Variants in ZEB2 observed in about 807,000 individuals in gnomAD.
ZEB2 encodes the protein zinc finger E-box binding homeobox 2.
A neutral mutation model predicts 99.9 loss-of-function variants in ZEB2; 6 were observed. The observed-to-expected ratio is 0.06, with a 90% CI of 0.03 to 0.12. ZEB2 has a LOEUF of 0.12. ZEB2 is among the 10% of genes least tolerant of loss of function. The pLI, the probability that ZEB2 is intolerant of heterozygous loss-of-function variation, is 1.00. For missense variants in ZEB2, 969 were observed against 1,502.8 expected, an observed-to-expected ratio of 0.64 and a Z score of 5.87; for synonymous variants, 517 against 542.5, an observed-to-expected ratio of 0.95 and a Z score of 0.65.
intron 4 of ZEB2, among the ~76,000 whole-genome samples, chr2:144,417,212 C>A (rs1703552148): frequency 6.6e-6 from 1 of 152,046 alleles, no homozygotes; most frequent in African/African-American, 2.4e-5. Context: ...TGTAAATTTT[C>A]TCTTCTTGTC....
At chr2:144,403,649 A>G (rs1327386310) in intron 6 of ZEB2, among the ~76,000 whole-genome samples, 2 of 152,232 alleles carry the variant, frequency 1.3e-5, no homozygotes, top group African/African-American at 4.8e-5. Flanking sequence ...TTTGTGGAAC[A>G]TAAAAATGAA....
At chr2:144,438,710 T>C (rs974440579) in intron 2 of ZEB2, among the ~76,000 whole-genome samples, 2 of 152,156 alleles carry the variant, frequency 1.3e-5, no homozygotes, top group African/African-American at 4.8e-5. Context: ...ATCTAATACC[T>C]GAGAAAGGCA....
At chr2:144,427,739 G>C (rs1297427096) in intron 3 of ZEB2, 1 of 151,998 alleles carries the variant, frequency 6.6e-6, no homozygotes, top group African/African-American at 2.4e-5. Flanking sequence ...GGTAATAGCC[G>C]GGTAAGTTTC....
intron 3 of ZEB2, 167 bp from the exon 4 acceptor site, chr2:144,425,034 T>C: frequency 1.5e-6 from 1 of 670,236 alleles, no homozygotes; most frequent in Non-Finnish European, 2.6e-6. Context: ...AATCCAATAG[T>C]GCTAGCTGCA....
At chr2:144,471,181 C>G (rs559491259) in intron 2 of ZEB2, among the ~76,000 whole-genome samples, 1 of 152,042 alleles carries the variant, frequency 6.6e-6, no homozygotes, top group Non-Finnish European at 1.5e-5. Flanking sequence ...GAATATTTAG[C>G]GACAGGACAT....
Position 144,389,909 on chromosome 2 carries a change from G to A in ZEB2, c.3187C>T (p.Arg1063Cys), listed in dbSNP as rs1301244969. Residue 1063 changes from arginine (R) to cysteine (C), a missense_variant, in exon 10 of 10, where the codon CGC becomes TGC. Physicochemically the swap from Arg to Cys is radical, Grantham distance 180. Transcript: ENST00000627532. This position sits in a 1 kb window ranked among gnomAD's most constrained non-coding sequence, Gnocchi z 6.8. ...KPYQCDKCGK[R>C]FSHSGSYSQH... The stretch of plus-strand genomic sequence containing the variant: ...GAGTACGAGCCCGAGTGTGAGAAGC[G>A]CTTGCCACATTTATCACACTGATAG... The A allele has an allele frequency of 6.2e-7, 1 of 1,613,072 alleles. No homozygotes were observed. Among genetic ancestry groups the A allele is most frequent in the Non-Finnish European group, 8.5e-7 (1 of 1,180,028 alleles).
chr2:144,495,171 T>C (rs1450373531), intron 2 of ZEB2: 1 of 152,238 alleles, frequency 6.6e-6, no homozygotes, highest in Non-Finnish European at 1.5e-5. Flanking sequence ...TTGCTATTTT[T>C]TCTCCTTTGT....
intron 2 of ZEB2, chr2:144,512,286 AC>A (rs2149931291): frequency 1.6e-6 from 2 of 1,287,250 alleles, no homozygotes; most frequent in South Asian, 2.5e-5. Context: ...AAGAAAATGC[AC>A]CTTAAAAGCC....
At chr2:144,427,447 T>C (rs972298421) in intron 3 of ZEB2, 1 of 152,236 alleles carries the variant, frequency 6.6e-6, no homozygotes, top group Non-Finnish European at 1.5e-5. Context: ...AGTAAAGCTA[T>C]GTGCTGAGGT....
chr2:144,466,520 T>TA (rs1271456361), intron 2 of ZEB2, among the ~76,000 whole-genome samples: 1 of 152,072 alleles, frequency 6.6e-6, no homozygotes, highest in Non-Finnish European at 1.5e-5. Flanking sequence ...TCTTTCTACA[T>TA]AAAAAAATGT....
At chr2:144,517,471 G>A (rs1219680798) in intron 1 of ZEB2, 52 bp from the exon 2 acceptor site, 2 of 1,288,708 alleles carry the variant, frequency 1.6e-6, no homozygotes, top group Non-Finnish European at 2.2e-6. Context: ...CCATTGAAAC[G>A]CGCGCGGGCC....
chr2:144,478,199 G>A (rs138982867), intron 2 of ZEB2, among the ~76,000 whole-genome samples: 1 of 152,314 alleles, frequency 6.6e-6, no homozygotes, highest in Non-Finnish European at 1.5e-5. Context: ...TCATGACGGA[G>A]CAGTGAGGGC....
intron 7 of ZEB2, 43 bp downstream of exon 7, chr2:144,401,156 T>A (rs1447310275): frequency 6.4e-7 from 1 of 1,556,386 alleles, no homozygotes. Flanking sequence ...CTCCCCTAAT[T>A]AAGTAAAATG....
intron 2 of ZEB2, among the ~76,000 whole-genome samples, chr2:144,475,363 T>A (rs1290581232): frequency 6.6e-6 from 1 of 152,182 alleles, no homozygotes. Context: ...CAAGGTTGAC[T>A]ATTGTTTTCA....
At chr2:144,391,003 T>C (rs541233910) in intron 9 of ZEB2, among the ~76,000 whole-genome samples, 2 of 152,372 alleles carry the variant, frequency 1.3e-5, no homozygotes, top group East Asian at 3.9e-4. Flanking sequence ...TGGATCACTG[T>C]AACATATATG....
At chr2:144,400,569 G>A (rs575724087) in intron 7 of ZEB2, among the ~76,000 whole-genome samples, 3 of 152,200 alleles carry the variant, frequency 2.0e-5, no homozygotes, top group African/African-American at 7.2e-5. Context: ...TCAGACTAAT[G>A]TGTGGTCAAT....
chr2:144,450,313 C>T (rs1259131383), intron 2 of ZEB2: 1 of 152,164 alleles, frequency 6.6e-6, no homozygotes, highest in Non-Finnish European at 1.5e-5. Flanking sequence ...AGCTGAATTA[C>T]ATCAATATTT....
intron 9 of ZEB2, among the ~76,000 whole-genome samples, chr2:144,392,156 G>C (rs551606561): frequency 6.6e-6 from 1 of 152,336 alleles, no homozygotes; most frequent in South Asian, 2.1e-4. Flanking sequence ...AAATTTTCTT[G>C]ATGCTCTAGT....
At chr2:144,498,018 T>TATATTATATAATATATATTAATATTAA (rs1560650874) in intron 2 of ZEB2, among the ~76,000 whole-genome samples, 3 of 16,978 alleles carry the variant, frequency 1.8e-4, no homozygotes, top group Non-Finnish European at 3.9e-4. Flanking sequence ...TATATTAATA[T>TATATTATATAATATATATTAATATTAA]TATATATTAT....
Sources: gnomAD v4.1 joint callset for allele counts (sites outside exome capture counted in the v4.1 genomes callset) on GRCh38, gnomAD v4.1.1 for gene constraint, Gnocchi (gnomAD v3.1) non-coding constraint, MANE v1.5 for transcripts, NCBI Gene and HGNC (gene_info 2026-07-23, HGNC 2026-07-21) for gene names.